FAT1: variants seen among roughly 807,000 people sequenced by gnomAD.
FAT1 encodes the protein protocadherin Fat 1.
FAT1 carries 171 observed loss-of-function variants against 329.8 expected under a neutral mutation model. That is an observed-to-expected ratio of 0.52 (90% confidence interval 0.46 to 0.59). The LOEUF is 0.59. Among genes scored for constraint, FAT1 ranks in the 20% least tolerant of loss-of-function variants. The pLI, the probability that FAT1 is intolerant of heterozygous loss-of-function variation, is 0.00. For synonymous variants in FAT1, 2,233 were observed against 2,228.6 expected, an observed-to-expected ratio of 1.00 and a Z score of -0.06; for missense variants, 5,672 against 5,774.4, an observed-to-expected ratio of 0.98 and a Z score of 0.57.
At chr4:186,667,154 A>G (rs538637637) in intron 2 of FAT1, among the ~76,000 whole-genome samples, 18 of 152,348 alleles carry the variant, frequency 1.2e-4, no homozygotes, top group Admixed American at 1.0e-3. Flanking sequence ...GTTTGCAATT[A>G]CAGATAGAAA....
rs775541534 is a variant in FAT1, at chr4:186,603,638, G to A, written c.10888C>T (p.His3630Tyr). ...KFTTVADITVHIRQVTQEMLN... is the reference protein window; with the variant it reads ...KFTTVADITVYIRQVTQEMLN... ...ATCTCCTGTGTGACTTGTCTGATAT[G>A]CACTGTGATGTCGGCCACCGTCGTG... The change falls in exon 19 of 27, where the codon CAT (histidine) becomes TAT (tyrosine). Residue 3630 changes from histidine (H) to tyrosine (Y), a missense_variant. By Grantham distance (83) the His-to-Tyr change is moderately conservative. Around this residue, in one of 2 missense-constraint regions of FAT1, gnomAD observed 1,706 missense variants for 1,859.1 expected, o/e 0.92. Transcript: ENST00000441802. 2 of 1,613,960 alleles carry A rather than the reference G, an allele frequency of 1.2e-6. No homozygotes were observed. Among genetic ancestry groups the A allele is most frequent in the Non-Finnish European group, 1.7e-6 (2 of 1,179,870 alleles).
At chr4:186,698,420 C>G (rs189837435) in intron 2 of FAT1, among the ~76,000 whole-genome samples, 1 of 152,092 alleles carries the variant, frequency 6.6e-6, no homozygotes, top group African/African-American at 2.4e-5. Context: ...GACTTACGTG[C>G]GCCCACAAAG....
intron 2 of FAT1, among the ~76,000 whole-genome samples, chr4:186,679,176 C>T (rs963669107): frequency 1.3e-5 from 2 of 151,892 alleles, no homozygotes; most frequent in African/African-American, 4.8e-5. Context: ...GTCAGGAGAT[C>T]GAGACCATCC....
In FAT1 at chr4:186,588,609, G is replaced by A. The variant is rs750900612; in HGVS notation, c.13750C>T (p.Gln4584Ter). ...EVTIPPLDSQ[Q>*]HTEV ...GTTGAGAGTCAGACTTCCGTGTGCT[G>A]CTGGGAATCCAGGGGCGGGATCGTC... Residue 4584 changes from glutamine to a stop codon, truncating the protein, a stop_gained, in exon 27 of 27, where the codon CAG (glutamine) becomes TAG (stop). Coordinates refer to ENST00000441802, the MANE Select transcript of FAT1 (RefSeq NM_005245.4). LOFTEE classifies it high-confidence loss of function. 3 of 1,611,858 alleles carry A rather than the reference G, an allele frequency of 1.9e-6. No individual in the cohort carries two copies. In the East Asian group the frequency reaches 6.7e-5, roughly 36 times the overall value.
chr4:186,600,376 T>C lies in FAT1; in HGVS notation c.11641-16A>G, dbSNP rs1579297048. The C allele has an allele frequency of 6.3e-7, 1 of 1,592,320 alleles. No individual in the cohort carries two copies. The highest frequency in any genetic ancestry group is 8.6e-7 in the Non-Finnish European group (1 of 1,167,012). ...CATGATGAATCTAGGATAAAAGCAATGACTGTTCACATTACTCTCATAGAA... is the reference window on the plus strand; with the variant it reads ...CATGATGAATCTAGGATAAAAGCAACGACTGTTCACATTACTCTCATAGAA... On this transcript the variant is annotated splice_polypyrimidine_tract_variant and intron_variant, in intron 21 of 26. Coordinates refer to ENST00000441802, the MANE Select transcript of FAT1 (RefSeq NM_005245.4).
chr4:186,694,459 G>A (rs1376918914), intron 2 of FAT1, among the ~76,000 whole-genome samples: 1 of 152,200 alleles, frequency 6.6e-6, no homozygotes, highest in Non-Finnish European at 1.5e-5. Flanking sequence ...AGCAAGAAGA[G>A]TTGACAAAGA....
At chr4:186,589,464 A>G (rs60506649) in intron 26 of FAT1, among the ~76,000 whole-genome samples, 2 of 152,328 alleles carry the variant, frequency 1.3e-5, no homozygotes, top group African/African-American at 4.8e-5. Context: ...CGCAACTAAC[A>G]TTCAAGGAAA....
intron 3 of FAT1, among the ~76,000 whole-genome samples, chr4:186,644,832 C>T (rs1741280824): frequency 6.6e-6 from 1 of 152,184 alleles, no homozygotes; most frequent in South Asian, 2.1e-4. Context: ...AGTCATGTGA[C>T]ATGGTCCACA....
At chr4:186,591,390 T>C (rs1738232696) in intron 26 of FAT1, among the ~76,000 whole-genome samples, 1 of 152,236 alleles carries the variant, frequency 6.6e-6, no homozygotes, top group Non-Finnish European at 1.5e-5. Flanking sequence ...CTCTAAAACA[T>C]GAATACGCCG....
chr4:186,648,677 CCA>C (rs1741490918), intron 3 of FAT1, among the ~76,000 whole-genome samples: 1 of 152,126 alleles, frequency 6.6e-6, no homozygotes, highest in African/African-American at 2.4e-5. Flanking sequence ...AACTTTCCTA[CCA>C]AGGAAAGTGT....
chr4:186,679,277 C>T (rs1361396559), intron 2 of FAT1, among the ~76,000 whole-genome samples: 5 of 151,904 alleles, frequency 3.3e-5, no homozygotes, highest in Middle Eastern at 3.4e-3. Context: ...ATTACCCGGG[C>T]GTGGTGGCGG....
At chr4:186,696,802 T>C (rs2126668358) in intron 2 of FAT1, among the ~76,000 whole-genome samples, 1 of 152,262 alleles carries the variant, frequency 6.6e-6, no homozygotes, top group Non-Finnish European at 1.5e-5. Context: ...GGTGGGCAGA[T>C]CACTTGAGAT....
rs1248957186 is a variant in FAT1, at chr4:186,612,948, AAATT to A, written c.9463+157_9463+160del. Among the ~76,000 whole-genome samples, 22 of 152,270 alleles carry A rather than the reference AAATT, an allele frequency of 1.4e-4. No individual in the cohort carries two copies. The East Asian group carries it at 1.5e-3, about 11-fold the overall frequency. ...CTTTGGAACTTTAAATATTCATTAAAAATTAATTAATTATTCTAAAGATTTCCTT... is the reference window on the plus strand; with the variant it reads ...CTTTGGAACTTTAAATATTCATTAAAAATTAATTATTCTAAAGATTTCCTT... On this transcript the variant is annotated intron_variant, in intron 13 of 26. Coordinates refer to ENST00000441802, the MANE Select transcript of FAT1 (RefSeq NM_005245.4).
chr4:186,702,086 G>C (rs1365489198), intron 2 of FAT1, among the ~76,000 whole-genome samples: 1 of 151,948 alleles, frequency 6.6e-6, no homozygotes, highest in Non-Finnish European at 1.5e-5. Context: ...CTCCACACAG[G>C]TGACACAGAC....
intron 26 of FAT1, among the ~76,000 whole-genome samples, chr4:186,594,641 A>G (rs1738406890): frequency 7.4e-6 from 1 of 134,938 alleles, no homozygotes; most frequent in African/African-American, 2.8e-5. Flanking sequence ...TGTGTTGATT[A>G]GGAATAGAGT....
intron 2 of FAT1, among the ~76,000 whole-genome samples, chr4:186,683,683 C>G (rs1671410423): frequency 6.6e-6 from 1 of 152,134 alleles, no homozygotes; most frequent in South Asian, 2.1e-4. Context: ...CTCCCACTCT[C>G]ATTTCCCCAC....
At position 186,621,004 on chromosome 4, in the gene FAT1, T is replaced by C. The variant is rs768240166; in HGVS notation, c.5582A>G (p.Tyr1861Cys). ...TACATGTACTGTTACATTCGCTGCA[T>C]ACTCAGCAAATAAACGTGGGGTTCC... ...DMGTPRLFAEYAANVTVHVID... is the reference protein window; with the variant it reads ...DMGTPRLFAECAANVTVHVID... Residue 1861 changes from tyrosine (Y) to cysteine (C), a missense_variant, in exon 10 of 27, where the codon TAT (tyrosine) becomes TGT (cysteine). Physicochemically the swap from Tyr to Cys is radical, Grantham distance 194. Coordinates refer to ENST00000441802, the MANE Select transcript of FAT1 (RefSeq NM_005245.4). 7.4e-6 allele frequency: 12 copies of C among 1,612,864 alleles called. No individual in the cohort carries two copies. Among genetic ancestry groups the C allele is most frequent in the Non-Finnish European group, 6.8e-6 (8 of 1,179,858 alleles).
chr4:186,619,517 T>C lies in FAT1; in HGVS notation c.7069A>G (p.Thr2357Ala), dbSNP rs1739917361. 5.0e-6 allele frequency: 8 copies of C among 1,613,878 alleles called. No homozygotes were observed. Among genetic ancestry groups the C allele is most frequent in the Non-Finnish European group, 6.8e-6 (8 of 1,179,864 alleles). Residue 2357 changes from threonine to alanine, a missense_variant, in exon 10 of 27, where the codon ACG becomes GCG. Physicochemically the swap from Thr to Ala is moderately conservative, Grantham distance 58. This residue lies in a region of FAT1 where 3,966 missense variants were observed against 3,915.2 expected (regional missense o/e 1.01). Coordinates refer to ENST00000441802, the MANE Select transcript of FAT1 (RefSeq NM_005245.4). The part of the protein sequence containing the change: ...TLDYEQSRQH[T>A]IFVRAVDGGM... ...CCATCAACTGCCCTCACAAAAATCGTGTGCTGCCGGGACTGCTCGTAATCC... is the reference window on the plus strand; with the variant it reads ...CCATCAACTGCCCTCACAAAAATCGCGTGCTGCCGGGACTGCTCGTAATCC...
At chr4:186,686,865 G>A (rs1743493793) in intron 2 of FAT1, among the ~76,000 whole-genome samples, 1 of 152,154 alleles carries the variant, frequency 6.6e-6, no homozygotes, top group African/African-American at 2.4e-5. Context: ...GGAAGGAAAA[G>A]AGAACTTATA....
Sources: allele counts gnomAD v4.1 joint callset (sites outside exome capture counted in the v4.1 genomes callset), GRCh38; gene constraint gnomAD v4.1.1; regional missense constraint gnomAD v4.1.1; transcripts MANE v1.5; gene names NCBI Gene and HGNC (gene_info 2026-07-23, HGNC 2026-07-21).